CCNB1: variants seen among roughly 807,000 people sequenced by gnomAD.
CCNB1 encodes the protein cyclin B1, also known as G2/mitotic-specific cyclin-B1.
CCNB1 carries 26 observed loss-of-function variants against 44.4 expected under a neutral mutation model. That is an observed-to-expected ratio of 0.59 (90% confidence interval 0.43 to 0.81). CCNB1 has a LOEUF of 0.81. Ranked by LOEUF, CCNB1 falls within the 40% of genes least tolerant of loss-of-function variation. The pLI is 0.00. For missense variants in CCNB1, 477 were observed against 520.9 expected (o/e 0.92, Z 0.82); for synonymous variants, 195 against 181.4 (o/e 1.08, Z -0.60).
Position 69,168,310 on chromosome 5 carries a change from TAAAG to T in CCNB1, c.333_336del (p.Glu112LysfsTer37). 1 of 1,614,008 alleles carries T rather than the reference TAAAG, an allele frequency of 6.2e-7. No homozygotes were observed. ...AACCTGAGCCAGAACCTGAGCCTGT[TAAAG>T]AAGAAAAACTTTCGCCTGAGCCTAT... is the stretch of plus-strand genomic sequence containing the variant. On this transcript the variant is annotated frameshift_variant, in exon 3 of 9. Transcript: ENST00000256442. LOFTEE classifies it high-confidence loss of function.
chr5:69,173,636 A>T (rs1268121943), intron 4 of CCNB1, among the ~76,000 whole-genome samples: 1 of 152,198 alleles, frequency 6.6e-6, no homozygotes, highest in African/African-American at 2.4e-5. Context: ...GCTTAAGTGA[A>T]AAGATCTGAG....
At chr5:69,173,172 T>A (rs1747502165) in intron 4 of CCNB1, among the ~76,000 whole-genome samples, 1 of 152,132 alleles carries the variant, frequency 6.6e-6, no homozygotes, top group African/African-American at 2.4e-5. Context: ...AACCAAGGAA[T>A]TAGGCAGATA....
rs1412296161 is a variant in CCNB1, at chr5:69,177,748, A to G, written c.*117A>G. On this transcript the variant is annotated 3_prime_UTR_variant, in exon 9 of 9. Coordinates refer to ENST00000256442, the MANE Select transcript of CCNB1 (RefSeq NM_031966.4). Reference sequence around the variant, plus strand: ...AGCTTGTGGCCCCTTTTACTTTTTTATAGCTTAACTAATTTGAATGTGGTT... The same window carrying G: ...AGCTTGTGGCCCCTTTTACTTTTTTGTAGCTTAACTAATTTGAATGTGGTT... The G allele has an allele frequency of 1.6e-5, 10 of 642,614 alleles. No homozygotes were observed. Among genetic ancestry groups the G allele is most frequent in the Middle Eastern group, 6.3e-4 (2 of 3,178 alleles). 39.8% of individuals were successfully genotyped at this position (642,614 alleles called of 1,614,324 possible).
At chr5:69,167,545 G>A in intron 1 of CCNB1, 1 of 537,150 alleles carries the variant, frequency 1.9e-6, no homozygotes. Context: ...AGAGTCGACT[G>A]GGAACCTTTT....
Position 69,174,361 on chromosome 5 carries a change from G to A in CCNB1, c.657G>A (p.Leu219=), listed in dbSNP as rs1747531817. The stretch of plus-strand genomic sequence containing the variant: ...AGGTTCAAATGAAATTCAGGTTGTT[G>A]CAGGAGACCATGTACATGACTGTCT... ...LVQVQMKFRL[L]QETMYMTVSI... is the part of the protein sequence containing the mutation. The change falls in exon 5 of 9, where the codon TTG becomes TTA. Residue 219 remains leucine, a synonymous_variant. Coordinates refer to ENST00000256442, the MANE Select transcript of CCNB1 (RefSeq NM_031966.4). 1 of 1,614,122 alleles carries A rather than the reference G, an allele frequency of 6.2e-7. No homozygotes were observed. Among genetic ancestry groups the A allele is most frequent in the Non-Finnish European group, 8.5e-7 (1 of 1,179,978 alleles).
Position 69,172,593 on chromosome 5 carries a change from T to G in CCNB1, c.546+1141T>G, listed in dbSNP as rs757020138. Among the ~76,000 whole-genome samples, 11 of 152,116 alleles carry G rather than the reference T, an allele frequency of 7.2e-5. No homozygotes were observed. In the South Asian group the frequency reaches 8.3e-4, roughly 11 times the overall value. ...CTAATGTGTTGTCTTATGTCATCACTGACATGTTCATCTCTTGCCTGCTCC... is the reference window on the plus strand; with the variant it reads ...CTAATGTGTTGTCTTATGTCATCACGGACATGTTCATCTCTTGCCTGCTCC... On this transcript the variant is annotated intron_variant, in intron 4 of 8. Coordinates refer to ENST00000256442, the MANE Select transcript of CCNB1 (RefSeq NM_031966.4).
chr5:69,178,174 A>C lies in CCNB1; in HGVS notation c.*543A>C, dbSNP rs1747639815. On this transcript the variant is annotated 3_prime_UTR_variant, in exon 9 of 9. Transcript: ENST00000256442. The stretch of plus-strand genomic sequence containing the variant: ...TCAAACTTTCACTTTGAAAAATGAG[A>C]ATTTTATATTCTAAGCCAGTTTTCA... 1 of 152,176 alleles carries C rather than the reference A, an allele frequency of 6.6e-6. No homozygotes were observed. Among genetic ancestry groups the C allele is most frequent in the African/African-American group, 2.4e-5 (1 of 41,442 alleles). 9.4% of individuals were successfully genotyped at this position (152,176 alleles called of 1,614,324 possible).
chr5:69,174,455 T>G, intron 5 of CCNB1, 46 bp downstream of exon 5: 1 of 1,590,326 alleles, frequency 6.3e-7, no homozygotes, highest in Non-Finnish European at 8.6e-7. Flanking sequence ...TCTAGCCGAG[T>G]CATAAGAAAC....
At chr5:69,167,323 G>T in intron 1 of CCNB1, 40 bp downstream of exon 1, 8 of 1,601,112 alleles carry the variant, frequency 5.0e-6, no homozygotes, top group Non-Finnish European at 5.9e-6. Context: ...GGCCTTCTTA[G>T]CTGCTGCCTG....
At chr5:69,174,772 C>A (rs111316046) in intron 5 of CCNB1, 105 bp from the exon 6 acceptor site, 1 of 836,464 alleles carries the variant, frequency 1.2e-6, no homozygotes, top group South Asian at 1.6e-5. Flanking sequence ...GATATGGTGT[C>A]ATTAAGATTT....
At chr5:69,171,536 C>A in intron 4 of CCNB1, 84 bp downstream of exon 4, 1 of 986,834 alleles carries the variant, frequency 1.0e-6, no homozygotes, top group Non-Finnish European at 1.5e-6. Flanking sequence ...ATAATACAAG[C>A]AGGACGTGGG....
Position 69,171,289 on chromosome 5 carries a change from G to C in CCNB1, c.383G>C (p.Ser128Thr). ...TTCAAGGTTGATACTGCCTCTCCAA[G>C]CCCAATGGAAACATCTGGATGTGCC... ...EPILVDTASP[S>T]PMETSGCAPA... The change falls in exon 4 of 9, where the codon AGC becomes ACC. Residue 128 changes from serine (S) to threonine (T), a missense_variant. Ser to Thr is a moderately conservative substitution (Grantham distance 58). Coordinates refer to ENST00000256442, the MANE Select transcript of CCNB1 (RefSeq NM_031966.4). 1 of 1,611,038 alleles carries C rather than the reference G, an allele frequency of 6.2e-7. No homozygotes were observed. The highest frequency in any genetic ancestry group is 8.5e-7 in the Non-Finnish European group (1 of 1,179,204).
chr5:69,170,866 C>CTCATGGT (rs1747443674), intron 3 of CCNB1, among the ~76,000 whole-genome samples: 1 of 152,170 alleles, frequency 6.6e-6, no homozygotes, highest in Admixed American at 6.5e-5. Context: ...GATCCTCCCA[C>CTCATGGT]CTCAGCCACC....
At chr5:69,167,435 G>A in intron 1 of CCNB1, 152 bp downstream of exon 1, 1 of 761,110 alleles carries the variant, frequency 1.3e-6, no homozygotes, top group Non-Finnish European at 2.2e-6. Flanking sequence ...GCGCCGAGGT[G>A]GGCCCAGGCC....
At chr5:69,172,117 G>A (rs539060065) in intron 4 of CCNB1, among the ~76,000 whole-genome samples, 8 of 152,100 alleles carry the variant, frequency 5.3e-5, no homozygotes, top group East Asian at 1.9e-4. Flanking sequence ...TCACACTGTC[G>A]CCCAGGCTAG....
intron 4 of CCNB1, among the ~76,000 whole-genome samples, chr5:69,173,869 A>G (rs1747519015): frequency 6.6e-6 from 1 of 151,960 alleles, no homozygotes; most frequent in East Asian, 1.9e-4. Context: ...TGCCAGGTTC[A>G]AGCAATTCTC....
At chr5:69,175,637 A>G (rs754589799) in intron 7 of CCNB1, 100 bp downstream of exon 7, 11 of 1,090,810 alleles carry the variant, frequency 1.0e-5, no homozygotes, top group Non-Finnish European at 1.5e-5. Flanking sequence ...GTTCATAAAT[A>G]TGGGATCTAC....
chr5:69,169,867 G>T (rs557902543), intron 3 of CCNB1, among the ~76,000 whole-genome samples: 1 of 151,848 alleles, frequency 6.6e-6, no homozygotes, highest in East Asian at 2.0e-4. Context: ...GGCCAGGCTG[G>T]TCTCGAACTC....
Position 69,167,176 on chromosome 5 carries a change from G to A in CCNB1, c.-87G>A. On this transcript the variant is annotated 5_prime_UTR_variant, in exon 1 of 9. Transcript: ENST00000256442. ...GCGTGCTGCGGCGGAACGGCTGTTG[G>A]TTTCTGCTGGGTGTAGGTCCTTGGC... 1 of 1,195,478 alleles carries A rather than the reference G, an allele frequency of 8.4e-7. No homozygotes were observed. Among genetic ancestry groups the A allele is most frequent in the Non-Finnish European group, 1.2e-6 (1 of 862,428 alleles). 74.1% of individuals were successfully genotyped at this position (1,195,478 alleles called of 1,614,324 possible).
Sources: gnomAD v4.1 joint callset for allele counts (sites outside exome capture counted in the v4.1 genomes callset) on GRCh38, gnomAD v4.1.1 for gene constraint, MANE v1.5 for transcripts, NCBI Gene and HGNC (gene_info 2026-07-23, HGNC 2026-07-21) for gene names.